The following DENND2B variants were observed in gnomAD, a reference collection of about 807,000 sequenced individuals.
DENND2B encodes the protein DENN domain containing 2B.
Under a neutral mutation model 116.0 loss-of-function variants are expected in DENND2B, and 32 were observed. That is an observed-to-expected ratio of 0.28 (90% confidence interval 0.21 to 0.37). The LOEUF (loss-of-function observed/expected upper bound fraction) is 0.37. Among genes scored for constraint, DENND2B ranks in the 10% least tolerant of loss-of-function variants. The pLI is 1.00. For synonymous variants in DENND2B, 588 were observed against 583.9 expected, an observed-to-expected ratio of 1.01 and a Z score of -0.10; for missense variants, 1,276 against 1,477.7, an observed-to-expected ratio of 0.86 and a Z score of 2.24.
chr11:8,718,416 C>T (rs908799401), intron 4 of DENND2B: 49 of 1,528,440 alleles, frequency 3.2e-5, no homozygotes, highest in Middle Eastern at 1.7e-4. Flanking sequence ...CTTCGCCAGG[C>T]CCCCTTCTCA....
intron 1 of DENND2B, chr11:8,809,485 C>T (rs1037977776): frequency 6.6e-6 from 1 of 152,158 alleles, no homozygotes; most frequent in Non-Finnish European, 1.5e-5. Flanking sequence ...AAGCACAACC[C>T]CTGATGGGTC....
rs149063377 is a variant in DENND2B at position 8,859,630 on chromosome 11, C to T, written c.-249-2194G>A. On this transcript the variant is annotated intron_variant, in intron 2 of 6. Coordinates refer to the DENND2B transcript ENST00000524757. ...GCCACGTGTTTTGCAAATACTCATT[C>T]ATGGATTATATCATGTATATTTCAA... is the stretch of plus-strand genomic sequence containing the variant. Among the ~76,000 whole-genome samples the T allele has an allele frequency of 5.3e-5, 8 of 152,218 alleles. No homozygotes were observed. The East Asian group carries it at 1.5e-3, about 29-fold the overall frequency.
At chr11:8,717,691 C>G (rs766267330) in intron 5 of DENND2B, 50 bp downstream of exon 5, 1 of 1,485,056 alleles carries the variant, frequency 6.7e-7, no homozygotes, top group Non-Finnish European at 9.0e-7. Flanking sequence ...AGCAGGCCCC[C>G]ACTGTGGCCC....
At chr11:8,746,401 G>C (rs2051258811) in intron 2 of DENND2B, among the ~76,000 whole-genome samples, 1 of 152,218 alleles carries the variant, frequency 6.6e-6, no homozygotes, top group African/African-American at 2.4e-5. Context: ...TGTAATGTAA[G>C]TTACTGAGCC....
At chr11:8,699,536 TC>T in intron 14 of DENND2B, 146 bp from the exon 15 acceptor site, 1 of 740,656 alleles carries the variant, frequency 1.4e-6, no homozygotes, top group African/African-American at 1.8e-5. Flanking sequence ...ACTGGTAAAG[TC>T]CCCGCTTTCC....
At chr11:8,851,262 T>A (rs1291640695) in intron 3 of DENND2B, among the ~76,000 whole-genome samples, 2 of 151,994 alleles carry the variant, frequency 1.3e-5, no homozygotes, top group Non-Finnish European at 2.9e-5. Context: ...AATATATATA[T>A]ATATAAATCA....
intron 1 of DENND2B, among the ~76,000 whole-genome samples, chr11:8,789,961 G>A (rs1183780536): frequency 6.6e-6 from 1 of 152,074 alleles, no homozygotes; most frequent in Non-Finnish European, 1.5e-5. Flanking sequence ...GGGTGGTCTG[G>A]TAGGCAGGAC....
At position 8,730,970 on chromosome 11, in the gene DENND2B, G is replaced by C; in HGVS notation, c.320C>G (p.Ser107Trp). 2 of 1,614,238 alleles carry C rather than the reference G, an allele frequency of 1.2e-6. No homozygotes were observed. The highest frequency in any genetic ancestry group is 1.7e-6 in the Non-Finnish European group (2 of 1,180,056). Residue 107 changes from serine to tryptophan, a missense_variant, in exon 3 of 20, where the codon TCG becomes TGG. Ser to Trp is a radical substitution (Grantham distance 177, BLOSUM62 -3). Transcript: ENST00000313726. This position sits in a 1 kb window ranked among gnomAD's most constrained non-coding sequence, Gnocchi z 4.1. ...ASFGYLDRSP[S>W]ACKRDAQKES... Reference sequence around the variant, plus strand: ...CTTTTGGGCGTCTCTCTTGCACGCCGAAGGGCTTCTGTCCAAATAACCGAA... The same window carrying C: ...CTTTTGGGCGTCTCTCTTGCACGCCCAAGGGCTTCTGTCCAAATAACCGAA...
At chr11:8,726,625 C>T (rs1304367247) in intron 3 of DENND2B, among the ~76,000 whole-genome samples, 1 of 152,216 alleles carries the variant, frequency 6.6e-6, no homozygotes, top group Non-Finnish European at 1.5e-5. Context: ...GAGCTCTTAA[C>T]TATAATTTTG....
chr11:8,832,802 T>C (rs1364798546), intron 4 of DENND2B, among the ~76,000 whole-genome samples: 1 of 152,204 alleles, frequency 6.6e-6, no homozygotes, highest in African/African-American at 2.4e-5. Flanking sequence ...GAGGCCCTTG[T>C]ATGTGAAAGC....
chr11:8,746,215 C>G (rs989219723), intron 2 of DENND2B, among the ~76,000 whole-genome samples: 1 of 152,202 alleles, frequency 6.6e-6, no homozygotes, highest in Non-Finnish European at 1.5e-5. Context: ...CTTAGCTTCC[C>G]CCGATCTAAG....
Position 8,730,645 on chromosome 11 carries a change from G to A in DENND2B, c.645C>T (p.Ser215=), listed in dbSNP as rs1197782069. 1 of 1,612,786 alleles carries A rather than the reference G, an allele frequency of 6.2e-7. No individual in the cohort carries two copies. The highest frequency in any genetic ancestry group is 1.3e-5 in the African/African-American group (1 of 75,064). ...CCTTGAAATCAAAGGTCTTTTCAGA[G>A]CTGCAGGGGGACGGCACCACGCTGG... The part of the protein sequence containing the change: ...GCPSVVPSPC[S]SEKTFDFKGL... Residue 215 remains serine, a synonymous_variant, in exon 3 of 20, where the codon AGC becomes AGT. Transcript: ENST00000313726. The surrounding 1 kb of genome is among the most constrained non-coding windows in gnomAD (Gnocchi z 4.1).
At chr11:8,868,359 C>T (rs976116161) in intron 2 of DENND2B, among the ~76,000 whole-genome samples, 4 of 152,208 alleles carry the variant, frequency 2.6e-5, no homozygotes, top group Non-Finnish European at 5.9e-5. Context: ...CTGCTTTACC[C>T]ATAGCTCCTT....
At position 8,707,169 on chromosome 11, in the gene DENND2B, G is replaced by C; in HGVS notation, c.2487C>G (p.Phe829Leu). The C allele has an allele frequency of 6.2e-7, 1 of 1,613,766 alleles. No homozygotes were observed. The highest frequency in any genetic ancestry group is 1.7e-5 in the Admixed American group (1 of 59,978). ...AGGGCGACTCCATGAGACTTCTCAT[G>C]AAAGGATAGACCAATGCAGCGGAGA... ...RGISAALVYPFMRSLMESPFP... is the reference protein window; with the variant it reads ...RGISAALVYPLMRSLMESPFP... Residue 829 changes from phenylalanine (F) to leucine (L), a missense_variant, in exon 13 of 20, where the codon TTC becomes TTG. This residue lies in a region of DENND2B where 420 missense variants were observed against 631.1 expected (regional missense o/e 0.67). Coordinates refer to ENST00000313726, the MANE Select transcript of DENND2B (RefSeq NM_213618.2). The surrounding 1 kb of genome is among the most constrained non-coding windows in gnomAD (Gnocchi z 4.8).
At chr11:8,855,549 T>C (rs560668319) in intron 3 of DENND2B, among the ~76,000 whole-genome samples, 1 of 151,920 alleles carries the variant, frequency 6.6e-6, no homozygotes, top group East Asian at 2.0e-4. Context: ...AGCAGGCAGA[T>C]GCAAAGAGCC....
chr11:8,700,820 T>A (rs1269416983), intron 14 of DENND2B, among the ~76,000 whole-genome samples: 1 of 152,166 alleles, frequency 6.6e-6, no homozygotes, highest in Non-Finnish European at 1.5e-5. Context: ...AAAAAATTTT[T>A]AAATTTTTAT....
chr11:8,903,471 T>C (rs1337336741), intron 1 of DENND2B, among the ~76,000 whole-genome samples: 3 of 103,698 alleles, frequency 2.9e-5, no homozygotes, highest in East Asian at 2.6e-4. Context: ...CTGACCAAGA[T>C]GTTAAAAAAA....
At chr11:8,766,015 T>C (rs781731519) in intron 1 of DENND2B, among the ~76,000 whole-genome samples, 2 of 151,758 alleles carry the variant, frequency 1.3e-5, no homozygotes, top group Non-Finnish European at 2.9e-5. Context: ...GGTGACAGAG[T>C]GAGACTTCAT....
intron 4 of DENND2B, among the ~76,000 whole-genome samples, chr11:8,722,300 C>T (rs561058215): frequency 6.6e-6 from 1 of 152,302 alleles, no homozygotes; most frequent in East Asian, 1.9e-4. Flanking sequence ...TGGCCCTCCA[C>T]CTATGACAGA....
Sources: allele counts gnomAD v4.1 joint callset (sites outside exome capture counted in the v4.1 genomes callset), GRCh38; gene constraint gnomAD v4.1.1; regional missense constraint gnomAD v4.1.1; non-coding constraint Gnocchi (gnomAD v3.1); transcripts MANE v1.5; gene names NCBI Gene and HGNC (gene_info 2026-07-23, HGNC 2026-07-21).